Variants in WDR7 observed in about 807,000 individuals in gnomAD.
WDR7 encodes WD repeat domain 7.
A neutral mutation model predicts 169.4 loss-of-function variants in WDR7; 46 were observed. The ratio of observed to expected loss-of-function variants is 0.27; its 90% CI spans 0.21 to 0.35. The LOEUF is 0.35. WDR7 is among the 10% of genes least tolerant of loss of function. The pLI is 1.00. For missense variants in WDR7, 1,534 were observed against 1,859.3 expected, an observed-to-expected ratio of 0.83 and a Z score of 3.22; for synonymous variants, 612 against 666.8, an observed-to-expected ratio of 0.92 and a Z score of 1.27.
intron 20 of WDR7, among the ~76,000 whole-genome samples, chr18:56,816,956 T>A (rs1014446573): frequency 6.6e-6 from 1 of 152,160 alleles, no homozygotes; most frequent in Non-Finnish European, 1.5e-5. Context: ...TAATCAATAT[T>A]TTAGAAAGAA....
intron 21 of WDR7, among the ~76,000 whole-genome samples, chr18:56,908,222 C>T (rs1223037872): frequency 6.6e-6 from 1 of 152,116 alleles, no homozygotes; most frequent in Admixed American, 6.6e-5. Flanking sequence ...TTAACTAGGC[C>T]AGAGTTAACA....
At chr18:56,815,355 A>T (rs2044947041) in intron 19 of WDR7, among the ~76,000 whole-genome samples, 1 of 152,214 alleles carries the variant, frequency 6.6e-6, no homozygotes, top group Middle Eastern at 3.2e-3. Context: ...ATGACAACAA[A>T]TATGTATCAT....
rs968208716 is a variant in WDR7, at chr18:57,012,897, T to A, written c.4165-7848T>A. ...CTATGAGGTGGGGAATAACATAGTCTGCTTATCTCATTGGGTTGATATGTA... is the reference window on the plus strand; with the variant it reads ...CTATGAGGTGGGGAATAACATAGTCAGCTTATCTCATTGGGTTGATATGTA... On this transcript the variant is annotated intron_variant, in intron 26 of 27. Transcript: ENST00000254442. Among the ~76,000 whole-genome samples, 3 of 152,328 alleles carry A rather than the reference T, an allele frequency of 2.0e-5. 1 individual carries two copies. Among genetic ancestry groups the A allele is most frequent in the South Asian group, 4.1e-4 (2 of 4,826 alleles).
chr18:56,980,844 A>G (rs2047634526), intron 26 of WDR7, among the ~76,000 whole-genome samples: 1 of 152,182 alleles, frequency 6.6e-6, no homozygotes, highest in Non-Finnish European at 1.5e-5. Flanking sequence ...CTGACACAAG[A>G]CAGACAGATG....
At chr18:56,904,723 G>C (rs1356190920) in intron 21 of WDR7, among the ~76,000 whole-genome samples, 2 of 152,162 alleles carry the variant, frequency 1.3e-5, no homozygotes, top group Non-Finnish European at 2.9e-5. Flanking sequence ...AAGTGACTAT[G>C]TGTAAGCTCA....
chr18:56,687,367 C>T (rs1311826501), intron 7 of WDR7, among the ~76,000 whole-genome samples: 1 of 152,160 alleles, frequency 6.6e-6, no homozygotes, highest in Non-Finnish European at 1.5e-5. Flanking sequence ...CTTCTCATAT[C>T]ACTTCAGAGC....
chr18:56,982,488 A>T (rs1162070073), intron 26 of WDR7, among the ~76,000 whole-genome samples: 1 of 152,152 alleles, frequency 6.6e-6, no homozygotes, highest in Non-Finnish European at 1.5e-5. Context: ...TCGTCAAGGA[A>T]ATACAAGAAG....
At chr18:56,806,412 C>T (rs756302511) in intron 19 of WDR7, among the ~76,000 whole-genome samples, 2 of 152,062 alleles carry the variant, frequency 1.3e-5, no homozygotes, top group Admixed American at 6.6e-5. Context: ...TTTAGAAAAG[C>T]GGTATCCTTT....
At chr18:56,673,827 A>G (rs2025187387) in intron 2 of WDR7, among the ~76,000 whole-genome samples, 1 of 149,022 alleles carries the variant, frequency 6.7e-6, no homozygotes, top group South Asian at 2.1e-4. Context: ...CTTGTCTCCA[A>G]AAAAAAAAAA....
rs758144363 is a variant in WDR7, at chr18:56,962,435, A to G, written c.4070A>G (p.Tyr1357Cys). 3.1e-6 allele frequency: 5 copies of G among 1,612,724 alleles called. No individual in the cohort carries two copies. In the East Asian group the frequency reaches 1.1e-4, roughly 36 times the overall value. The change falls in exon 26 of 28, where the codon TAC (tyrosine) becomes TGC (cysteine). Residue 1357 changes from tyrosine (Y) to cysteine (C), a missense_variant. Tyr to Cys is a radical substitution (Grantham distance 194, BLOSUM62 -2). Transcript: ENST00000254442. ...QECFPAICRFYMVSYYERNHR... is the reference protein window; with the variant it reads ...QECFPAICRFCMVSYYERNHR... Reference sequence around the variant, plus strand: ...TGTTAAAATGTTCAACTCAGGTTCTACATGGTCAGCTATTATGAGCGGAAT... The same window carrying G: ...TGTTAAAATGTTCAACTCAGGTTCTGCATGGTCAGCTATTATGAGCGGAAT...
chr18:57,034,824 C>G, the WDR7 span: 1 of 152,036 alleles, frequency 6.6e-6, no homozygotes, highest in Non-Finnish European at 1.5e-5. Flanking sequence ...GAGAGAAAGT[C>G]TCTCTGAGAC....
At position 56,691,264 on chromosome 18, in the gene WDR7, A is replaced by T. The variant is rs749655756; in HGVS notation, c.766A>T (p.Asn256Tyr). The T allele has an allele frequency of 6.2e-7, 1 of 1,610,222 alleles. No homozygotes were observed. The highest frequency in any genetic ancestry group is 8.5e-7 in the Non-Finnish European group (1 of 1,179,206). Reference protein sequence around the residue: ...YSLLCSGPSENGQTWTGGDFV... With the variant: ...YSLLCSGPSEYGQTWTGGDFV... ...CTTGTTGTGTTCAGGTCCTAGTGAA[A>T]ATGGACAGACATGGACCGGGGGGGA... is the stretch of plus-strand genomic sequence containing the variant. Residue 256 changes from asparagine (N) to tyrosine (Y), a missense_variant, in exon 8 of 28, where the codon AAT becomes TAT. By Grantham distance (143) the Asn-to-Tyr change is moderately radical. Coordinates refer to ENST00000254442, the MANE Select transcript of WDR7 (RefSeq NM_015285.3).
At chr18:56,808,526 A>T (rs933807561) in intron 19 of WDR7, among the ~76,000 whole-genome samples, 3 of 152,170 alleles carry the variant, frequency 2.0e-5, no homozygotes, top group Admixed American at 1.3e-4. Flanking sequence ...AATCTTCAAT[A>T]AAAAAATGAA....
chr18:56,690,110 A>T lies in WDR7; in HGVS notation c.718-1106A>T, dbSNP rs2025532423. ...ATTTAATGTACTTTTTTCAAATATT[A>T]AAAGTGATAGAATAATTCTGCTAGG... On this transcript the variant is annotated intron_variant, in intron 7 of 27. Transcript: ENST00000254442. 2.0e-5 allele frequency among the ~76,000 whole-genome samples: 3 copies of T among 152,334 alleles called. No homozygotes were observed. The South Asian group carries it at 6.2e-4, about 32-fold the overall frequency.
chr18:56,830,528 A>G lies in WDR7; in HGVS notation c.3304+14384A>G, dbSNP rs547032224. On this transcript the variant is annotated intron_variant, in intron 20 of 27. Transcript: ENST00000254442. ...AAATTCCGGCCATACAGCCCAGTTC[A>G]GCGTGTCACTAGTAATAATCACCAT... 4.6e-5 allele frequency among the ~76,000 whole-genome samples: 7 copies of G among 152,356 alleles called. No homozygotes were observed. The South Asian group carries it at 1.5e-3, about 32-fold the overall frequency.
chr18:56,859,628 C>G (rs994980657), intron 20 of WDR7, among the ~76,000 whole-genome samples: 3 of 152,126 alleles, frequency 2.0e-5, no homozygotes, highest in Non-Finnish European at 4.4e-5. Context: ...CCTTCCCACC[C>G]ATTTTGAATA....
intron 14 of WDR7, among the ~76,000 whole-genome samples, chr18:56,752,413 C>T (rs147021523): frequency 2.6e-5 from 4 of 152,158 alleles, no homozygotes; most frequent in Non-Finnish European, 5.9e-5. Context: ...GGTACTTTCT[C>T]CATTGCGTCC....
chr18:56,777,583 G>A (rs1164640101), intron 17 of WDR7, among the ~76,000 whole-genome samples: 3 of 152,090 alleles, frequency 2.0e-5, no homozygotes, highest in Non-Finnish European at 4.4e-5. Flanking sequence ...TTAATGAAAC[G>A]TGAGCTCTGA....
chr18:56,749,137 T>C (rs2043748729), intron 14 of WDR7, among the ~76,000 whole-genome samples: 1 of 152,038 alleles, frequency 6.6e-6, no homozygotes, highest in South Asian at 2.1e-4. Flanking sequence ...AGAAATTCTT[T>C]TAAAAACTTT....
Sources: gnomAD v4.1 joint callset for allele counts (sites outside exome capture counted in the v4.1 genomes callset) on GRCh38, gnomAD v4.1.1 for gene constraint, MANE v1.5 for transcripts, NCBI Gene and HGNC (gene_info 2026-07-23, HGNC 2026-07-21) for gene names.